PABPC4L: variants seen among roughly 807,000 people sequenced by gnomAD.
The protein encoded by PABPC4L is poly(A) binding protein cytoplasmic 4 like.
For missense variants in PABPC4L, 452 were observed against 451.4 expected (o/e 1.00, Z -0.01); for synonymous variants, 169 against 164.1 (o/e 1.03, Z -0.23).
the PABPC4L span, among the ~76,000 whole-genome samples, chr4:134,097,505 C>A: frequency 6.6e-6 from 1 of 151,840 alleles, no homozygotes; most frequent in Non-Finnish European, 1.5e-5. Flanking sequence ...AGAAACAAAA[C>A]CCTGATGTTA....
chr4:134,067,968 G>A, the PABPC4L span, among the ~76,000 whole-genome samples: 508 of 152,214 alleles, frequency 3.3e-3, 5 homozygotes, highest in African/African-American at 0.012. Context: ...TTTAGAGAAA[G>A]TGCAGATAAT....
chr4:134,112,295 T>C, the PABPC4L span, among the ~76,000 whole-genome samples: 1 of 152,084 alleles, frequency 6.6e-6, no homozygotes, highest in African/African-American at 2.4e-5. Flanking sequence ...AAAATACTAG[T>C]TAAAAATTGG....
the PABPC4L span, among the ~76,000 whole-genome samples, chr4:133,961,168 C>T: frequency 6.6e-6 from 1 of 152,130 alleles, no homozygotes; most frequent in Non-Finnish European, 1.5e-5. Context: ...TTTCACCCTC[C>T]TGCCATCGCC....
chr4:134,089,162 T>A, the PABPC4L span, among the ~76,000 whole-genome samples: 1 of 152,162 alleles, frequency 6.6e-6, no homozygotes, highest in Non-Finnish European at 1.5e-5. Context: ...AAAGTTTGTT[T>A]CACTAAGCAA....
At chr4:133,980,617 C>T in the PABPC4L span, among the ~76,000 whole-genome samples, 1 of 152,016 alleles carries the variant, frequency 6.6e-6, no homozygotes, top group Non-Finnish European at 1.5e-5. Context: ...GTTGGTCACC[C>T]CATTTTATGA....
At chr4:133,986,542 G>T in the PABPC4L span, among the ~76,000 whole-genome samples, 1 of 152,170 alleles carries the variant, frequency 6.6e-6, no homozygotes, top group Non-Finnish European at 1.5e-5. Context: ...CAATGTCAAT[G>T]ATCTAAACAC....
At chr4:134,184,487 T>TTA in the PABPC4L span, among the ~76,000 whole-genome samples, 70 of 152,196 alleles carry the variant, frequency 4.6e-4, no homozygotes, top group East Asian at 9.5e-3. Flanking sequence ...ATAGTTGGAA[T>TTA]TATACTGTAC....
chr4:134,177,304 C>CT, the PABPC4L span, among the ~76,000 whole-genome samples: 3,406 of 151,622 alleles, frequency 0.022, 131 homozygotes, highest in African/African-American at 0.078. Flanking sequence ...GGCCTCCCAA[C>CT]AGCTGGGACT....
At chr4:134,069,351 A>G in the PABPC4L span, among the ~76,000 whole-genome samples, 2 of 151,966 alleles carry the variant, frequency 1.3e-5, no homozygotes, top group Non-Finnish European at 2.9e-5. Context: ...GCATTTTTTG[A>G]ACTTGAATGT....
the PABPC4L span, among the ~76,000 whole-genome samples, chr4:134,173,052 G>A: frequency 6.7e-6 from 1 of 149,902 alleles, no homozygotes; most frequent in East Asian, 2.0e-4. Context: ...CAAAAAGACA[G>A]GCAATAACAA....
chr4:134,062,897 T>C, the PABPC4L span, among the ~76,000 whole-genome samples: 3 of 152,064 alleles, frequency 2.0e-5, no homozygotes, highest in Admixed American at 6.6e-5. Flanking sequence ...TGTAACCTAT[T>C]TGGAGAAAAA....
At chr4:134,190,575 C>A in the PABPC4L span, among the ~76,000 whole-genome samples, 1 of 152,008 alleles carries the variant, frequency 6.6e-6, no homozygotes, top group South Asian at 2.1e-4. Context: ...ACAAATAAAT[C>A]ATAAAGCATG....
the PABPC4L span, among the ~76,000 whole-genome samples, chr4:133,971,106 C>CTTTTTTTTT: frequency 6.3e-5 from 4 of 63,962 alleles, no homozygotes; most frequent in East Asian, 5.3e-4. Context: ...ATCTTATATT[C>CTTTTTTTTT]TTTTTTTTTT....
the PABPC4L span, among the ~76,000 whole-genome samples, chr4:134,068,345 C>T: frequency 6.6e-6 from 1 of 152,028 alleles, no homozygotes; most frequent in Non-Finnish European, 1.5e-5. Context: ...ATAGCAATCC[C>T]CGCTTTTTCT....
chr4:134,144,658 C>G, the PABPC4L span, among the ~76,000 whole-genome samples: 7 of 149,786 alleles, frequency 4.7e-5, no homozygotes, highest in African/African-American at 1.7e-4. Context: ...AGTGGATTTA[C>G]AGCTATAATT....
At chr4:134,182,833 T>C in the PABPC4L span, among the ~76,000 whole-genome samples, 136 of 151,980 alleles carry the variant, frequency 8.9e-4, no homozygotes, top group Non-Finnish European at 1.5e-3. Flanking sequence ...GACATACACA[T>C]GGCCAACAAG....
chr4:134,142,596 C>A, the PABPC4L span, among the ~76,000 whole-genome samples: 1 of 151,346 alleles, frequency 6.6e-6, no homozygotes, highest in African/African-American at 2.4e-5. Context: ...TATAATATCA[C>A]ATGTTCCGTG....
At chr4:134,193,080 G>T (rs1467033995), downstream of PABPC4L, among the ~76,000 whole-genome samples, 1 of 151,842 alleles carries the variant, frequency 6.6e-6, no homozygotes, top group Non-Finnish European at 1.5e-5. Context: ...ATGTTGATTT[G>T]CCCAACTTTG....
the PABPC4L span, among the ~76,000 whole-genome samples, chr4:134,043,776 C>G: frequency 6.6e-6 from 1 of 151,982 alleles, no homozygotes; most frequent in Admixed American, 6.6e-5. Flanking sequence ...TTGAAAATAG[C>G]ACAACTGACC....
Sources: allele counts gnomAD v4.1 joint callset (sites outside exome capture counted in the v4.1 genomes callset), GRCh38; gene constraint gnomAD v4.1.1; transcripts MANE v1.5; gene names NCBI Gene and HGNC (gene_info 2026-07-23, HGNC 2026-07-21).